The following ROCK2 variants were observed in gnomAD, a reference collection of about 807,000 sequenced individuals.
ROCK2 encodes rho-associated protein kinase 2.
In ROCK2, 61 loss-of-function variants were observed where a neutral mutation model predicts 195.1. The observed-to-expected ratio is 0.31, with a 90% CI of 0.25 to 0.39. ROCK2 has a LOEUF of 0.39. Among genes scored for constraint, ROCK2 ranks in the 10% least tolerant of loss-of-function variants. The pLI is 1.00. For missense variants in ROCK2, 1,109 were observed against 1,637.4 expected (o/e 0.68, Z 5.57); for synonymous variants, 504 against 545.5 (o/e 0.92, Z 1.06).
intron 1 of ROCK2, among the ~76,000 whole-genome samples, chr2:11,297,064 A>G (rs1206791352): frequency 6.6e-6 from 1 of 152,140 alleles, no homozygotes; most frequent in African/African-American, 2.4e-5. Context: ...AGAAACTCAA[A>G]GCAACCTAAA....
At chr2:11,295,460 A>T (rs1667482751) in intron 1 of ROCK2, among the ~76,000 whole-genome samples, 2 of 152,288 alleles carry the variant, frequency 1.3e-5, no homozygotes, top group Admixed American at 6.5e-5. Context: ...TAACACATAC[A>T]TGCAAGAAAA....
chr2:11,317,613 T>TATATATATATTTA (rs1553317465), intron 1 of ROCK2, among the ~76,000 whole-genome samples: 8 of 20,318 alleles, frequency 3.9e-4, no homozygotes, highest in African/African-American at 1.6e-3. Context: ...TATATATATA[T>TATATATATATTTA]TTTTTTTTTT....
intron 1 of ROCK2, among the ~76,000 whole-genome samples, chr2:11,292,630 A>C (rs1368881807): frequency 1.3e-5 from 2 of 152,256 alleles, no homozygotes; most frequent in Admixed American, 6.5e-5. Flanking sequence ...AGTTAGTTAC[A>C]GAGCATAGGA....
chr2:11,290,053 C>T (rs909421189), intron 1 of ROCK2, among the ~76,000 whole-genome samples: 2 of 152,106 alleles, frequency 1.3e-5, no homozygotes, highest in South Asian at 4.2e-4. Flanking sequence ...TACTTGAGGC[C>T]TTTACGTTTA....
chr2:11,297,492 A>G (rs1406630723), intron 1 of ROCK2, among the ~76,000 whole-genome samples: 1 of 152,120 alleles, frequency 6.6e-6, no homozygotes, highest in Non-Finnish European at 1.5e-5. Flanking sequence ...ACTAAAACAG[A>G]TGCTATTTTA....
At chr2:11,221,444 T>A in intron 8 of ROCK2, 87 bp from the exon 9 acceptor site, 2 of 930,340 alleles carry the variant, frequency 2.1e-6, no homozygotes, top group Non-Finnish European at 3.0e-6. Context: ...ATTTATTATT[T>A]AATAACACTA....
intron 17 of ROCK2, among the ~76,000 whole-genome samples, chr2:11,213,538 T>C (rs551407281): frequency 1.2e-4 from 13 of 107,980 alleles, no homozygotes; most frequent in South Asian, 3.4e-4. Flanking sequence ...GGCTGAACAG[T>C]TGCAAGACCA....
At chr2:11,313,643 T>C (rs1668106072) in intron 1 of ROCK2, among the ~76,000 whole-genome samples, 1 of 151,976 alleles carries the variant, frequency 6.6e-6, no homozygotes, top group African/African-American at 2.4e-5. Flanking sequence ...TCTCTCTCTT[T>C]TAACTTCTCG....
chr2:11,216,454 G>A (rs1664430642), intron 12 of ROCK2, among the ~76,000 whole-genome samples: 1 of 151,094 alleles, frequency 6.6e-6, no homozygotes, highest in African/African-American at 2.4e-5. Context: ...CAAAGTGTTG[G>A]GATTACAGGC....
At position 11,185,917 on chromosome 2, in the gene ROCK2, T is replaced by C. The variant is rs1663179643; in HGVS notation, c.4164-2477A>G. The stretch of plus-strand genomic sequence containing the variant: ...TACACACTTCTAAAGTAAGAAACTT[T>C]AGTGTATATGATTTACCTACTGCTC... On this transcript the variant is annotated intron_variant, in intron 32 of 32. Coordinates refer to ENST00000315872, the MANE Select transcript of ROCK2 (RefSeq NM_004850.5). Among the ~76,000 whole-genome samples the C allele has an allele frequency of 5.3e-5, 8 of 152,318 alleles. No individual in the cohort carries two copies. The South Asian group carries it at 1.5e-3, about 28-fold the overall frequency.
intron 1 of ROCK2, among the ~76,000 whole-genome samples, chr2:11,326,409 C>T (rs1479580136): frequency 2.0e-5 from 3 of 152,102 alleles, no homozygotes; most frequent in Non-Finnish European, 4.4e-5. Context: ...AGCAAGAAGT[C>T]CAGATGATCT....
Position 11,192,283 on chromosome 2 carries a change from C to T in ROCK2, c.4028G>A (p.Arg1343Gln), listed in dbSNP as rs745801053. 1.2e-5 allele frequency: 19 copies of T among 1,613,564 alleles called. No homozygotes were observed. The highest frequency in any genetic ancestry group is 1.6e-4 in the Middle Eastern group (1 of 6,080). ...CTTTTTAGGTATCTTTTTCACCAACCGACTAACCCACTTCTGCTGCTCTTC... is the reference window on the plus strand; with the variant it reads ...CTTTTTAGGTATCTTTTTCACCAACTGACTAACCCACTTCTGCTGCTCTTC... Reference protein sequence around the residue: ...STEEQQKWVSRLVKKIPKKPP... With the variant: ...STEEQQKWVSQLVKKIPKKPP... The change falls in exon 32 of 33, where the codon CGG becomes CAG. Residue 1343 changes from arginine (R) to glutamine (Q), a missense_variant. By Grantham distance (43) the Arg-to-Gln change is conservative (BLOSUM62 1). Transcript: ENST00000315872. The surrounding 1 kb of genome is among the most constrained non-coding windows in gnomAD (Gnocchi z 5.0).
rs11376737 is a variant in ROCK2, at chr2:11,205,597, ATT to A, written c.2549+2127_2549+2128del. Among the ~76,000 whole-genome samples the A allele has an allele frequency of 7.6e-3, 1,075 of 142,228 alleles. 16 individuals are homozygous for A. Among genetic ancestry groups the A allele is most frequent in the African/African-American group, 0.026 (992 of 38,788 alleles). The allele number at this position is 142,228 out of a possible 152,430, so 93.3% of individuals were successfully genotyped here. On this transcript the variant is annotated intron_variant, in intron 20 of 32. Transcript: ENST00000315872. ...TCATATGTAAATTCCCATTGCATGT[ATT>A]TTTTTTTTTTTTTTACCTTCTATTC...
Position 11,211,841 on chromosome 2 carries a change from CTATTAAA to C in ROCK2, c.2044-8_2044-2del. On this transcript the variant is annotated splice_acceptor_variant and splice_polypyrimidine_tract_variant and intron_variant, in intron 17 of 32. Coordinates refer to ENST00000315872, the MANE Select transcript of ROCK2 (RefSeq NM_004850.5). LOFTEE classifies it high-confidence loss of function. ...TATCTATTTCCATGTTGCTTTTTTC[CTATTAAA>C]TATTTAAAATGCAGCTATCAACAAA... is the stretch of plus-strand genomic sequence containing the variant. 6.4e-7 allele frequency: 1 copy of C among 1,567,878 alleles called. No homozygotes were observed. Among genetic ancestry groups the C allele is most frequent in the Non-Finnish European group, 8.6e-7 (1 of 1,161,678 alleles).
chr2:11,318,233 T>C (rs549097187), intron 1 of ROCK2, among the ~76,000 whole-genome samples: 5 of 152,306 alleles, frequency 3.3e-5, no homozygotes, highest in African/African-American at 9.6e-5. Context: ...CCACCAACAG[T>C]GTAAAAGTAT....
chr2:11,209,964 A>T (rs1546598), intron 18 of ROCK2, among the ~76,000 whole-genome samples: 62,163 of 152,032 alleles, frequency 0.41, 13,865 homozygotes, highest in Admixed American at 0.52. Flanking sequence ...GAAACAAGAC[A>T]CAGAAAGTTT....
chr2:11,234,192 G>A (rs1252138382), intron 5 of ROCK2: 1 of 152,124 alleles, frequency 6.6e-6, no homozygotes, highest in Admixed American at 6.5e-5. Context: ...GACAATTTAA[G>A]TATTTGCTTA....
intron 5 of ROCK2, among the ~76,000 whole-genome samples, chr2:11,227,997 A>G (rs962962145): frequency 3.3e-5 from 5 of 152,204 alleles, no homozygotes; most frequent in African/African-American, 1.2e-4. Flanking sequence ...ATTTGGCATG[A>G]TGATTTTTAA....
intron 1 of ROCK2, among the ~76,000 whole-genome samples, chr2:11,334,107 T>C (rs1361805824): frequency 1.3e-5 from 2 of 152,200 alleles, no homozygotes; most frequent in Non-Finnish European, 2.9e-5. Context: ...TTCTTTCCTA[T>C]GGATAGATAA....
Sources: allele counts gnomAD v4.1 joint callset (sites outside exome capture counted in the v4.1 genomes callset), GRCh38; gene constraint gnomAD v4.1.1; non-coding constraint Gnocchi (gnomAD v3.1); transcripts MANE v1.5; gene names NCBI Gene and HGNC (gene_info 2026-07-23, HGNC 2026-07-21).